CACNB2: variants seen among roughly 807,000 people sequenced by gnomAD.
The protein encoded by CACNB2 is calcium voltage-gated channel auxiliary subunit beta 2.
A neutral mutation model predicts 73.3 loss-of-function variants in CACNB2; 42 were observed. The ratio of observed to expected loss-of-function variants is 0.57; its 90% CI spans 0.45 to 0.74. The LOEUF (loss-of-function observed/expected upper bound fraction) is 0.74, where lower values mean the gene tolerates loss of function less well. Ranked by LOEUF, CACNB2 falls within the 30% of genes least tolerant of loss-of-function variation. The probability of loss-of-function intolerance (pLI) is 0.00; values close to 1 mark genes in which losing one functional copy is unlikely to be tolerated. For synonymous variants in CACNB2, 348 were observed against 310.3 expected, an observed-to-expected ratio of 1.12 and a Z score of -1.28; for missense variants, 940 against 853.0, an observed-to-expected ratio of 1.10 and a Z score of -1.27.
Position 18,499,949 on chromosome 10 carries a change from C to T in CACNB2, c.457-863C>T, listed in dbSNP as rs142365419. Among the ~76,000 whole-genome samples the T allele has an allele frequency of 0.017, 2,586 of 152,038 alleles. 167 individuals are homozygous for T. The East Asian group carries it at 0.24, about 14-fold the overall frequency. ...TCATGTCACTGCACTCCAGCCTGGGCGACAGAGCAAGACCCTGTCTTGATT... is the reference window on the plus strand; with the variant it reads ...TCATGTCACTGCACTCCAGCCTGGGTGACAGAGCAAGACCCTGTCTTGATT... On this transcript the variant is annotated intron_variant, in intron 4 of 13. Transcript: ENST00000324631.
chr10:18,179,496 G>GT (rs1026506824), intron 2 of CACNB2, among the ~76,000 whole-genome samples: 4 of 152,078 alleles, frequency 2.6e-5, no homozygotes, highest in Non-Finnish European at 5.9e-5. Flanking sequence ...GTCAGGTTCA[G>GT]TTTTTTGGAA....
chr10:18,325,316 G>T (rs925706242), intron 2 of CACNB2, among the ~76,000 whole-genome samples: 11 of 151,960 alleles, frequency 7.2e-5, no homozygotes, highest in African/African-American at 2.4e-4. Context: ...CAGCCTCTCA[G>T]GTAGCTGGGA....
chr10:18,279,686 T>G (rs2038457582), intron 2 of CACNB2, among the ~76,000 whole-genome samples: 1 of 152,260 alleles, frequency 6.6e-6, no homozygotes. Flanking sequence ...TGACAAAGTT[T>G]TAGGCAACCT....
intron 2 of CACNB2, among the ~76,000 whole-genome samples, chr10:18,304,894 C>T (rs2039668689): frequency 6.6e-6 from 1 of 152,174 alleles, no homozygotes; most frequent in Non-Finnish European, 1.5e-5. Flanking sequence ...ATTTCAATCC[C>T]ACTTTTTATT....
At chr10:18,449,127 G>A (rs2046885723) in intron 3 of CACNB2, among the ~76,000 whole-genome samples, 1 of 152,232 alleles carries the variant, frequency 6.6e-6, no homozygotes, top group Non-Finnish European at 1.5e-5. Context: ...GCTCACGCCT[G>A]TAATCCCAGC....
intron 7 of CACNB2, among the ~76,000 whole-genome samples, chr10:18,516,166 G>T (rs1001011556): frequency 2.0e-5 from 3 of 152,010 alleles, no homozygotes; most frequent in Non-Finnish European, 4.4e-5. Flanking sequence ...AGTGAGCCGA[G>T]ACCATGCCAC....
At chr10:18,312,309 A>C (rs2039992370) in intron 2 of CACNB2, among the ~76,000 whole-genome samples, 1 of 152,216 alleles carries the variant, frequency 6.6e-6, no homozygotes, top group African/African-American at 2.4e-5. Flanking sequence ...TCTCTTAAAC[A>C]CTAAAAATAT....
Position 18,325,536 on chromosome 10 carries a change from C to T in CACNB2, c.214-76388C>T, listed in dbSNP as rs548524797. Among the ~76,000 whole-genome samples, 5 of 151,476 alleles carry T rather than the reference C, an allele frequency of 3.3e-5. No individual in the cohort carries two copies. The South Asian group carries it at 1.0e-3, about 32-fold the overall frequency. On this transcript the variant is annotated intron_variant, in intron 2 of 13. Transcript: ENST00000324631. ...TGTCTTTCTTTCTCTTTCTTTCTTC[C>T]TTCTTTTCTTTTCCTTTTCTTTTCT...
intron 3 of CACNB2, among the ~76,000 whole-genome samples, chr10:18,463,230 C>T (rs2047677525): frequency 1.3e-5 from 2 of 152,130 alleles, no homozygotes; most frequent in Admixed American, 6.6e-5. Flanking sequence ...CTGTCAGAAT[C>T]CTCCTGTTCT....
At chr10:18,261,439 C>A in intron 2 of CACNB2, 1 of 1,291,904 alleles carries the variant, frequency 7.7e-7, no homozygotes. Context: ...GACAGTCGAT[C>A]ATTTCGTACC....
At position 18,371,788 on chromosome 10, in the gene CACNB2, A is replaced by G. The variant is rs551149635; in HGVS notation, c.214-30136A>G. On this transcript the variant is annotated intron_variant, in intron 2 of 13. Coordinates refer to ENST00000324631, the MANE Select transcript of CACNB2 (RefSeq NM_201596.3). ...CTGAGGAATCACCACGCTGACTTCC[A>G]TAATGGTTGAACTAGTTTACAGTCC... Among the ~76,000 whole-genome samples the G allele has an allele frequency of 2.8e-3, 419 of 152,346 alleles. 4 individuals carry two copies. Among genetic ancestry groups the G allele is most frequent in the African/African-American group, 9.2e-3 (384 of 41,590 alleles).
chr10:18,315,068 A>G (rs903790281), intron 2 of CACNB2, among the ~76,000 whole-genome samples: 5 of 152,194 alleles, frequency 3.3e-5, no homozygotes, highest in African/African-American at 1.2e-4. Context: ...GCCATGGCTC[A>G]TGCCTGTAAT....
At chr10:18,224,043 A>G (rs944018361) in intron 2 of CACNB2, among the ~76,000 whole-genome samples, 2 of 151,766 alleles carry the variant, frequency 1.3e-5, no homozygotes, top group Non-Finnish European at 2.9e-5. Flanking sequence ...TCTAGAATTA[A>G]TGAGGTTTAG....
At chr10:18,283,015 T>C (rs2038620170) in intron 2 of CACNB2, among the ~76,000 whole-genome samples, 1 of 152,110 alleles carries the variant, frequency 6.6e-6, no homozygotes, top group African/African-American at 2.4e-5. Flanking sequence ...GCAAAGGATA[T>C]CAACAGACAC....
chr10:18,200,976 G>C (rs1213690299), intron 2 of CACNB2, among the ~76,000 whole-genome samples: 1 of 152,154 alleles, frequency 6.6e-6, no homozygotes, highest in East Asian at 1.9e-4. Context: ...ACTCTGTGCA[G>C]TAAGAATTTG....
intron 4 of CACNB2, among the ~76,000 whole-genome samples, chr10:18,499,350 G>T (rs139418916): frequency 6.6e-6 from 1 of 152,164 alleles, no homozygotes; most frequent in Admixed American, 6.5e-5. Context: ...GGGCCCGGTG[G>T]CTCATGCCTG....
At chr10:18,524,514 G>A (rs958737026) in intron 9 of CACNB2, among the ~76,000 whole-genome samples, 6 of 151,824 alleles carry the variant, frequency 4.0e-5, no homozygotes, top group South Asian at 4.2e-4. Context: ...AATTAGCTGG[G>A]CACAATGGTG....
intron 3 of CACNB2, among the ~76,000 whole-genome samples, chr10:18,423,963 A>G (rs1428424310): frequency 6.6e-6 from 1 of 152,174 alleles, no homozygotes; most frequent in Non-Finnish European, 1.5e-5. Context: ...TATTGAAAAT[A>G]GGATGTCATC....
chr10:18,462,806 T>G (rs2047653619), intron 3 of CACNB2, among the ~76,000 whole-genome samples: 1 of 152,180 alleles, frequency 6.6e-6, no homozygotes, highest in East Asian at 1.9e-4. Context: ...TTGCCCAGGC[T>G]GGAGTGCAGT....
Sources: gnomAD v4.1 joint callset for allele counts (sites outside exome capture counted in the v4.1 genomes callset) on GRCh38, gnomAD v4.1.1 for gene constraint, MANE v1.5 for transcripts, NCBI Gene and HGNC (gene_info 2026-07-23, HGNC 2026-07-21) for gene names.